Variants in CACNA2D3 observed in about 807,000 individuals in gnomAD.
The protein encoded by CACNA2D3 is calcium voltage-gated channel auxiliary subunit alpha2delta 3, also known as voltage-dependent calcium channel subunit alpha-2/delta-3.
CACNA2D3 carries 60 observed loss-of-function variants against 160.6 expected under a neutral mutation model. That is an observed-to-expected ratio of 0.37 (90% CI 0.30 to 0.46). The LOEUF is 0.46. CACNA2D3 is among the 20% of genes least tolerant of loss of function. CACNA2D3 has a pLI of 1.00. For missense variants in CACNA2D3, 1,205 were observed against 1,365.0 expected, an observed-to-expected ratio of 0.88 and a Z score of 1.85; for synonymous variants, 558 against 492.9, an observed-to-expected ratio of 1.13 and a Z score of -1.75.
intron 2 of CACNA2D3, among the ~76,000 whole-genome samples, chr3:54,222,380 G>A (rs1701591457): frequency 6.6e-6 from 1 of 152,178 alleles, no homozygotes; most frequent in South Asian, 2.1e-4. Flanking sequence ...ATGTCCTGAA[G>A]GCAGGAATAA....
At chr3:55,019,110 T>TCTTTCTTTC (rs368979475) in intron 35 of CACNA2D3, among the ~76,000 whole-genome samples, 1 of 151,532 alleles carries the variant, frequency 6.6e-6, no homozygotes, top group Admixed American at 6.6e-5. Flanking sequence ...TTTCTTTCTT[T>TCTTTCTTTC]TTTTAATAAG....
intron 6 of CACNA2D3, among the ~76,000 whole-genome samples, chr3:54,567,148 G>C (rs1359196288): frequency 6.6e-6 from 1 of 152,184 alleles, no homozygotes; most frequent in Non-Finnish European, 1.5e-5. Context: ...ATTGGCAAGA[G>C]AGATGGCATC....
chr3:54,963,308 C>G (rs1194597921), intron 27 of CACNA2D3, among the ~76,000 whole-genome samples: 1 of 152,048 alleles, frequency 6.6e-6, no homozygotes, highest in Non-Finnish European at 1.5e-5. Flanking sequence ...GAGAATTGTA[C>G]CTTCCATCCT....
intron 13 of CACNA2D3, among the ~76,000 whole-genome samples, chr3:54,802,565 T>C (rs1703016594): frequency 6.6e-6 from 1 of 152,206 alleles, no homozygotes. Flanking sequence ...TGATCTGCCA[T>C]GGTGTGTACC....
At chr3:54,290,565 A>G (rs969546145) in intron 2 of CACNA2D3, among the ~76,000 whole-genome samples, 4 of 151,062 alleles carry the variant, frequency 2.6e-5, no homozygotes, top group Non-Finnish European at 5.9e-5. Flanking sequence ...CTGGGTATAT[A>G]CCCAAAGGAC....
At chr3:54,614,445 C>T (rs149020035) in intron 9 of CACNA2D3, among the ~76,000 whole-genome samples, 1,760 of 152,336 alleles carry the variant, frequency 0.012, 117 homozygotes, top group Admixed American at 0.1. Context: ...AGTGCTTCCC[C>T]ACTGTATTTA....
intron 11 of CACNA2D3, among the ~76,000 whole-genome samples, chr3:54,708,317 T>C (rs545655857): frequency 3.3e-5 from 5 of 152,330 alleles, no homozygotes; most frequent in Admixed American, 3.3e-4. Flanking sequence ...AAAACTGTTT[T>C]GCCTGCATGT....
chr3:54,802,440 T>C (rs1373183452), intron 13 of CACNA2D3, among the ~76,000 whole-genome samples: 1 of 152,244 alleles, frequency 6.6e-6, no homozygotes, highest in Non-Finnish European at 1.5e-5. Context: ...GGAAATTTCA[T>C]GCATAGCATT....
At chr3:54,714,301 A>G (rs979280693) in intron 11 of CACNA2D3, among the ~76,000 whole-genome samples, 2 of 152,214 alleles carry the variant, frequency 1.3e-5, no homozygotes, top group African/African-American at 2.4e-5. Context: ...GTTCAGAAGC[A>G]AAGTCATCAA....
intron 27 of CACNA2D3, among the ~76,000 whole-genome samples, chr3:54,920,892 AAGGTGGGAGCCAC>A (rs1398885355): frequency 6.6e-6 from 1 of 152,160 alleles, no homozygotes; most frequent in Non-Finnish European, 1.5e-5. Flanking sequence ...GTTCGGTATT[AAGGTGGGAGCCAC>A]AGCCTCTGGA....
intron 2 of CACNA2D3, among the ~76,000 whole-genome samples, chr3:54,221,266 G>A (rs529642651): frequency 6.6e-6 from 1 of 152,332 alleles, no homozygotes; most frequent in South Asian, 2.1e-4. Context: ...AATGTTAGTG[G>A]TGAGAGGGTG....
chr3:54,924,097 TGTGA>T (rs938015982), intron 27 of CACNA2D3, among the ~76,000 whole-genome samples: 2 of 152,174 alleles, frequency 1.3e-5, no homozygotes, highest in African/African-American at 4.8e-5. Flanking sequence ...TTAAAGAAAT[TGTGA>T]GTAACTTTAG....
rs1559563418 is a variant in CACNA2D3, at chr3:54,736,002, T to TTTCC, written c.1168-16597_1168-16596insTTCC. Among the ~76,000 whole-genome samples the TTTCC allele has an allele frequency of 3.5e-3, 384 of 110,690 alleles. 21 individuals are homozygous for TTTCC. The highest frequency in any genetic ancestry group is 4.7e-3 in the Non-Finnish European group (248 of 53,048). 72.6% of individuals were successfully genotyped at this position (110,690 alleles called of 152,430 possible). ...GCATGTATATATATATACATATATATATATGTATATATATACACATACATA... is the reference window on the plus strand; with the variant it reads ...GCATGTATATATATATACATATATATTTCCATATGTATATATATACACATACATA... On this transcript the variant is annotated intron_variant, in intron 11 of 37. Coordinates refer to ENST00000474759, the MANE Select transcript of CACNA2D3 (RefSeq NM_018398.3).
intron 4 of CACNA2D3, among the ~76,000 whole-genome samples, chr3:54,492,413 G>A (rs1453499633): frequency 1.3e-5 from 2 of 152,198 alleles, no homozygotes; most frequent in African/African-American, 4.8e-5. Context: ...GCTGTGCAAC[G>A]ATAGGACCAT....
intron 4 of CACNA2D3, among the ~76,000 whole-genome samples, chr3:54,430,006 G>A (rs898082123): frequency 1.3e-5 from 2 of 152,098 alleles, no homozygotes; most frequent in African/African-American, 4.8e-5. Flanking sequence ...CTATAAATGT[G>A]TACTTGACTA....
intron 29 of CACNA2D3, among the ~76,000 whole-genome samples, chr3:54,970,372 T>A (rs1364099150): frequency 6.6e-6 from 1 of 151,534 alleles, no homozygotes; most frequent in Non-Finnish European, 1.5e-5. Context: ...CCTACAAATC[T>A]TTTCTTTTTT....
intron 3 of CACNA2D3, among the ~76,000 whole-genome samples, chr3:54,329,297 T>C (rs1208660543): frequency 6.6e-6 from 1 of 152,216 alleles, no homozygotes; most frequent in East Asian, 1.9e-4. Context: ...CTTCAAACTA[T>C]AGTTAAGTGC....
chr3:54,838,768 CTGTTAGCT>C (rs1698750468), intron 16 of CACNA2D3, 120 bp downstream of exon 16: 1 of 749,468 alleles, frequency 1.3e-6, no homozygotes. Context: ...CTATTACAGC[CTGTTAGCT>C]TGTCTTTATA....
chr3:54,979,988 T>C (rs1702472016), intron 29 of CACNA2D3, among the ~76,000 whole-genome samples: 1 of 151,924 alleles, frequency 6.6e-6, no homozygotes. Flanking sequence ...TAAGCCATGT[T>C]AGAATTATAG....
Sources: gnomAD v4.1 joint callset for allele counts (sites outside exome capture counted in the v4.1 genomes callset) on GRCh38, gnomAD v4.1.1 for gene constraint, MANE v1.5 for transcripts, NCBI Gene and HGNC (gene_info 2026-07-23, HGNC 2026-07-21) for gene names.